Variants in MYT1L observed in about 807,000 individuals in gnomAD.
MYT1L encodes the protein myelin transcription factor 1 like.
MYT1L carries 12 observed loss-of-function variants against 126.7 expected under a neutral mutation model. The observed-to-expected ratio is 0.09, with a 90% CI of 0.06 to 0.15. MYT1L has a LOEUF of 0.15. Among genes scored for constraint, MYT1L ranks in the 10% least tolerant of loss-of-function variants. The probability of loss-of-function intolerance (pLI) is 1.00; values close to 1 mark genes in which losing one functional copy is unlikely to be tolerated. For synonymous variants in MYT1L, 541 were observed against 604.2 expected (o/e 0.90, Z 1.53); for missense variants, 979 against 1,585.2 (o/e 0.62, Z 6.49).
intron 2 of MYT1L, among the ~76,000 whole-genome samples, chr2:2,178,574 G>A (rs1033561962): frequency 1.3e-5 from 2 of 152,168 alleles, no homozygotes; most frequent in African/African-American, 4.8e-5. Context: ...GTGTTGGTGA[G>A]GTGGGCCTTT....
intron 20 of MYT1L, among the ~76,000 whole-genome samples, chr2:1,839,993 G>A (rs1029477622): frequency 2.6e-5 from 4 of 152,214 alleles, no homozygotes; most frequent in African/African-American, 4.8e-5. Context: ...CACCAGGGCA[G>A]CAAAGGCGCC....
intron 18 of MYT1L, among the ~76,000 whole-genome samples, chr2:1,870,548 G>C (rs2046152490): frequency 6.6e-6 from 1 of 152,120 alleles, no homozygotes; most frequent in African/African-American, 2.4e-5. Flanking sequence ...TTTTCAGTTG[G>C]TGATTTTGGG....
intron 3 of MYT1L, among the ~76,000 whole-genome samples, chr2:2,056,074 A>G (rs987827680): frequency 6.6e-6 from 1 of 152,198 alleles, no homozygotes; most frequent in Non-Finnish European, 1.5e-5. Flanking sequence ...TATCTACAAA[A>G]CAGAATTTTG....
At chr2:2,020,402 C>T (rs2064912949) in intron 4 of MYT1L, among the ~76,000 whole-genome samples, 2 of 152,154 alleles carry the variant, frequency 1.3e-5, no homozygotes, top group South Asian at 4.1e-4. Flanking sequence ...AGAGTGTTCT[C>T]ATGAATTTAT....
At chr2:2,156,393 A>T (rs1022007560) in intron 3 of MYT1L, among the ~76,000 whole-genome samples, 4 of 152,246 alleles carry the variant, frequency 2.6e-5, no homozygotes, top group African/African-American at 9.6e-5. Flanking sequence ...AGGGGAGAGA[A>T]CTGAGTGTGC....
chr2:1,869,123 C>T (rs4853826), intron 18 of MYT1L, among the ~76,000 whole-genome samples: 152,326 of 152,340 alleles, frequency 1, 76,156 homozygotes, highest in Middle Eastern at 1. Context: ...ACAGTCAAAA[C>T]AGAAACCAGA....
intron 3 of MYT1L, among the ~76,000 whole-genome samples, chr2:2,090,197 A>C (rs1006973451): frequency 6.6e-6 from 1 of 152,184 alleles, no homozygotes; most frequent in Non-Finnish European, 1.5e-5. Flanking sequence ...CATCTTTGTC[A>C]ATCAATCAAA....
Position 1,790,052 on chromosome 2 carries a change from C to T in MYT1L, c.*1815G>A, listed in dbSNP as rs979428052. On this transcript the variant is annotated 3_prime_UTR_variant, in exon 25 of 25. Transcript: ENST00000647738. The stretch of plus-strand genomic sequence containing the variant: ...AGTCTCCCTTTGCAACATTATTGAT[C>T]AGCCGTGAGGGCTCCTCTATAATCC... The T allele has an allele frequency of 3.3e-5, 5 of 152,086 alleles. No individual in the cohort carries two copies. The highest frequency in any genetic ancestry group is 4.8e-5 in the African/African-American group (2 of 41,394). 9.4% of individuals were successfully genotyped at this position (152,086 alleles called of 1,614,324 possible).
chr2:2,033,532 A>G (rs1354799445), intron 4 of MYT1L, among the ~76,000 whole-genome samples: 2 of 152,250 alleles, frequency 1.3e-5, no homozygotes, highest in Non-Finnish European at 2.9e-5. Flanking sequence ...TCTACTTACA[A>G]TGCTACTCCC....
chr2:2,184,563 C>T (rs1023608429), intron 2 of MYT1L, among the ~76,000 whole-genome samples: 34 of 152,086 alleles, frequency 2.2e-4, no homozygotes, highest in African/African-American at 8.0e-4. Flanking sequence ...AAGTAAAAAT[C>T]TCCAGGCAAA....
At chr2:2,016,649 A>G (rs2064435286) in intron 4 of MYT1L, among the ~76,000 whole-genome samples, 6 of 152,258 alleles carry the variant, frequency 3.9e-5, no homozygotes, top group Admixed American at 3.9e-4. Flanking sequence ...GAAGAACTCC[A>G]AAGACAATAA....
intron 12 of MYT1L, 39 bp downstream of exon 12, chr2:1,911,981 G>A (rs766203852): frequency 9.5e-6 from 14 of 1,475,290 alleles, no homozygotes; most frequent in Middle Eastern, 1.9e-4. Flanking sequence ...GAGAGCAGCC[G>A]GTGCTCCCTC....
chr2:1,823,209 A>T (rs969806335), intron 21 of MYT1L, among the ~76,000 whole-genome samples: 3 of 152,218 alleles, frequency 2.0e-5, no homozygotes, highest in Admixed American at 6.5e-5. Context: ...CTCCCCAGGC[A>T]GACCCAGCAG....
chr2:2,297,032 C>T (rs1362376589), intron 1 of MYT1L, among the ~76,000 whole-genome samples: 2 of 152,202 alleles, frequency 1.3e-5, no homozygotes, highest in African/African-American at 4.8e-5. Flanking sequence ...GAACCACCTG[C>T]CTTCCCAGGT....
At chr2:2,167,139 C>T (rs1282787672) in intron 3 of MYT1L, among the ~76,000 whole-genome samples, 8 of 152,120 alleles carry the variant, frequency 5.3e-5, no homozygotes, top group Non-Finnish European at 7.3e-5. Flanking sequence ...CCAGCCGCTG[C>T]GCTGCAGGTT....
intron 23 of MYT1L, among the ~76,000 whole-genome samples, chr2:1,797,298 T>A (rs13420398): frequency 0.041 from 6,261 of 152,252 alleles, 147 homozygotes; most frequent in East Asian, 0.072. Context: ...ATCTTGGCTC[T>A]CTGCAAGCTC....
At chr2:1,992,833 A>T (rs1002234136) in intron 5 of MYT1L, among the ~76,000 whole-genome samples, 1 of 152,208 alleles carries the variant, frequency 6.6e-6, no homozygotes, top group African/African-American at 2.4e-5. Context: ...TTTAGGAGTC[A>T]TGCAGCTGGA....
chr2:1,937,608 A>ACG (rs2056129592), intron 9 of MYT1L, among the ~76,000 whole-genome samples: 1 of 151,006 alleles, frequency 6.6e-6, no homozygotes, highest in Non-Finnish European at 1.5e-5. Context: ...GAAGGCCCTA[A>ACG]TGTCCACAGC....
chr2:2,100,846 T>C (rs564309376), intron 3 of MYT1L, among the ~76,000 whole-genome samples: 27 of 152,332 alleles, frequency 1.8e-4, no homozygotes, highest in African/African-American at 6.0e-4. Context: ...TATCTCCACA[T>C]TGAAACTAAG....
Sources: allele counts gnomAD v4.1 joint callset (sites outside exome capture counted in the v4.1 genomes callset), GRCh38; gene constraint gnomAD v4.1.1; transcripts MANE v1.5; gene names NCBI Gene and HGNC (gene_info 2026-07-23, HGNC 2026-07-21).